ARPC4: variants seen among roughly 807,000 people sequenced by gnomAD.
The protein encoded by ARPC4 is actin-related protein 2/3 complex subunit 4.
Under a neutral mutation model 22.8 loss-of-function variants are expected in ARPC4, and 3 were observed. The observed-to-expected ratio is 0.13, with a 90% confidence interval of 0.06 to 0.34. The LOEUF is 0.34. Ranked by LOEUF, ARPC4 falls within the 10% of genes least tolerant of loss-of-function variation. The pLI is 1.00. For missense variants in ARPC4, 98 were observed against 211.0 expected, an observed-to-expected ratio of 0.46 and a Z score of 3.32; for synonymous variants, 80 against 72.5, an observed-to-expected ratio of 1.10 and a Z score of -0.52.
At chr3:9,804,242 T>C in intron 5 of ARPC4, 2 of 457,562 alleles carry the variant, frequency 4.4e-6, no homozygotes, top group Non-Finnish European at 7.8e-6. Flanking sequence ...GGGGTGGCTC[T>C]TAGTCTCTCG....
chr3:9,803,817 CCCCT>C (rs2079060511), intron 4 of ARPC4, 22 bp from the exon 5 acceptor site: 1 of 1,606,958 alleles, frequency 6.2e-7, no homozygotes, highest in African/African-American at 1.3e-5. Context: ...CCTTCTCTTC[CCCCT>C]CCCTACTGTC....
At chr3:9,804,240 T>A in intron 5 of ARPC4, 1 of 458,528 alleles carries the variant, frequency 2.2e-6, no homozygotes. Context: ...CTGGGGTGGC[T>A]CTTAGTCTCT....
At chr3:9,801,230 A>AG (rs995132465) in intron 3 of ARPC4, among the ~76,000 whole-genome samples, 6 of 147,732 alleles carry the variant, frequency 4.1e-5, no homozygotes, top group African/African-American at 1.6e-4. Context: ...AAAAAAAAAA[A>AG]AAAAAAAGAA....
At position 9,806,388 on chromosome 3, in the gene ARPC4, A is replaced by ACCTG; in HGVS notation, c.*176_*179dup. 2 of 751,996 alleles carry ACCTG rather than the reference A, an allele frequency of 2.7e-6. No individual in the cohort carries two copies. The highest frequency in any genetic ancestry group is 4.6e-6 in the Non-Finnish European group (2 of 430,382). The allele number at this position is 751,996 out of a possible 1,614,324, so 46.6% of individuals were successfully genotyped here. A position where few individuals can be genotyped will look rare whatever the true frequency, so the allele number is the denominator to read the frequency against. ...TAGCTGGGCAAGAAAGCAGCAGTGG[A>ACCTG]CCTGCCCCAAGGCCACACGTGCCTG... is the stretch of plus-strand genomic sequence containing the variant. On this transcript the variant is annotated 3_prime_UTR_variant, in exon 6 of 6. Transcript: ENST00000397261.
chr3:9,794,326 C>T (rs1417218595), intron 1 of ARPC4, among the ~76,000 whole-genome samples: 1 of 152,124 alleles, frequency 6.6e-6, no homozygotes, highest in Admixed American at 6.5e-5. Context: ...GGTGAAACCT[C>T]TTCTCTACTA....
At chr3:9,799,446 T>G (rs937052639) in intron 2 of ARPC4, among the ~76,000 whole-genome samples, 1 of 141,616 alleles carries the variant, frequency 7.1e-6, no homozygotes, top group Non-Finnish European at 1.6e-5. Context: ...AACTTTCAGG[T>G]TTTTTTTTTT....
At chr3:9,801,418 G>T (rs569377843) in intron 3 of ARPC4, among the ~76,000 whole-genome samples, 1 of 152,132 alleles carries the variant, frequency 6.6e-6, no homozygotes, top group South Asian at 2.1e-4. Context: ...TGTAGACTCT[G>T]AAAGAAGCAA....
At chr3:9,803,708 G>T (rs972397581) in intron 4 of ARPC4, 135 bp from the exon 5 acceptor site, 12 of 1,022,342 alleles carry the variant, frequency 1.2e-5, no homozygotes, top group African/African-American at 4.7e-5. Context: ...GACTGGAAGG[G>T]TATGTAGCTT....
chr3:9,799,591 C>T (rs540065193), intron 2 of ARPC4, among the ~76,000 whole-genome samples: 16 of 152,014 alleles, frequency 1.1e-4, no homozygotes, highest in Non-Finnish European at 1.6e-4. Context: ...TATAGGAGTG[C>T]GCCACCATGC....
intron 3 of ARPC4, 32 bp downstream of exon 3, chr3:9,800,328 GGCCTCTTTCAGTCCTTTCA>G (rs1361731387): frequency 1.6e-5 from 25 of 1,608,264 alleles, no homozygotes; most frequent in Non-Finnish European, 2.0e-5. Flanking sequence ...CCCAACGTAA[GGCCTCTTTCAGTCCTTTCA>G]GCCTCTTTCA....
At chr3:9,793,789 T>A (rs1286094112) in intron 1 of ARPC4, among the ~76,000 whole-genome samples, 5 of 152,214 alleles carry the variant, frequency 3.3e-5, no homozygotes, top group Non-Finnish European at 7.3e-5. Context: ...GTGTGGGCAT[T>A]CCTGGGAGTT....
chr3:9,799,027 A>T (rs1575326606), intron 2 of ARPC4, among the ~76,000 whole-genome samples: 1 of 152,346 alleles, frequency 6.6e-6, no homozygotes, highest in African/African-American at 2.4e-5. Flanking sequence ...TATACTGTGT[A>T]ACGTACACGA....
intron 5 of ARPC4, among the ~76,000 whole-genome samples, chr3:9,805,689 G>A (rs1393668461): frequency 6.6e-6 from 1 of 152,238 alleles, no homozygotes; most frequent in Non-Finnish European, 1.5e-5. Flanking sequence ...ATGGGCCATT[G>A]GTTCACAACC....
At position 9,797,585 on chromosome 3, in the gene ARPC4, A is replaced by G. The variant is rs1575324431; in HGVS notation, c.4-74A>G. On this transcript the variant is annotated intron_variant, in intron 1 of 5. Transcript: ENST00000397261. ...CCTCAGTGCTACCTGGCTTCATGGG[A>G]GCTGGAATAGGGGATCGGTGGGTTT... is the stretch of plus-strand genomic sequence containing the variant. 2.0e-6 allele frequency: 3 copies of G among 1,528,856 alleles called. No individual in the cohort carries two copies. The East Asian group carries it at 6.8e-5, about 35-fold the overall frequency. 94.7% of individuals were successfully genotyped at this position (1,528,856 alleles called of 1,614,324 possible).
intron 1 of ARPC4, among the ~76,000 whole-genome samples, chr3:9,796,981 TCTC>T (rs1018901808): frequency 3.3e-5 from 5 of 152,110 alleles, no homozygotes; most frequent in African/African-American, 1.2e-4. Flanking sequence ...TTCTCCTTTT[TCTC>T]CTCCTAATCC....
chr3:9,798,641 C>A (rs1345527108), intron 2 of ARPC4, among the ~76,000 whole-genome samples: 2 of 151,870 alleles, frequency 1.3e-5, no homozygotes, highest in African/African-American at 2.4e-5. Context: ...TTTGGGAGGC[C>A]GAGGCAGACA....
In ARPC4 at chr3:9,800,176, T is replaced by C. The variant is rs763976917; in HGVS notation, c.123-9T>C. 2.5e-6 allele frequency: 4 copies of C among 1,613,902 alleles called. No homozygotes were observed. The highest frequency in any genetic ancestry group is 2.2e-5 in the East Asian group (1 of 44,870). ...GTAGTACAAGTACTCTGTCACATTA[T>C]GTTTTCAGGAGTAGCAAAGAGCTCC... On this transcript the variant is annotated splice_polypyrimidine_tract_variant and intron_variant, in intron 2 of 5. Coordinates refer to ENST00000397261, the MANE Select transcript of ARPC4 (RefSeq NM_005718.5).
intron 1 of ARPC4, among the ~76,000 whole-genome samples, chr3:9,796,665 G>T (rs2078894516): frequency 6.6e-6 from 1 of 152,114 alleles, no homozygotes; most frequent in Non-Finnish European, 1.5e-5. Flanking sequence ...ATTCTGGCAG[G>T]GTGTGGTGGC....
At chr3:9,801,940 C>T (rs80301804) in intron 4 of ARPC4, among the ~76,000 whole-genome samples, 184 bp downstream of exon 4, 3,028 of 152,096 alleles carry the variant, frequency 0.02, 86 homozygotes, top group African/African-American at 0.069. Context: ...CTACCTCAGC[C>T]ATAGAAAAGG....
Sources: gnomAD v4.1 joint callset for allele counts (sites outside exome capture counted in the v4.1 genomes callset) on GRCh38, gnomAD v4.1.1 for gene constraint, MANE v1.5 for transcripts, NCBI Gene and HGNC (gene_info 2026-07-23, HGNC 2026-07-21) for gene names.